RBFOX3: variants seen among roughly 807,000 people sequenced by gnomAD.
The protein encoded by RBFOX3 is RNA binding protein fox-1 homolog 3.
A neutral mutation model predicts 48.7 loss-of-function variants in RBFOX3; 17 were observed. The observed-to-expected ratio is 0.35, with a 90% CI of 0.24 to 0.52. The LOEUF (loss-of-function observed/expected upper bound fraction) is 0.52, where lower values mean the gene tolerates loss of function less well. Among genes scored for constraint, RBFOX3 ranks in the 20% least tolerant of loss-of-function variants. The pLI is 0.94. For synonymous variants in RBFOX3, 212 were observed against 209.5 expected (o/e 1.01, Z -0.10); for missense variants, 382 against 497.5 (o/e 0.77, Z 2.21).
intron 4 of RBFOX3, among the ~76,000 whole-genome samples, chr17:79,171,544 A>G (rs1207010277): frequency 6.6e-6 from 1 of 152,188 alleles, no homozygotes; most frequent in Non-Finnish European, 1.5e-5. Flanking sequence ...AGACAGTGGG[A>G]CAGATTTGTT....
intron 1 of RBFOX3, among the ~76,000 whole-genome samples, chr17:79,570,399 GAAGA>G (rs2092630832): frequency 1.3e-5 from 2 of 151,472 alleles, no homozygotes; most frequent in Non-Finnish European, 2.9e-5. Context: ...ATGGTAGATA[GAAGA>G]TAGATAGATG....
At chr17:79,383,271 C>G (rs1450845149) in intron 2 of RBFOX3, among the ~76,000 whole-genome samples, 1 of 152,240 alleles carries the variant, frequency 6.6e-6, no homozygotes, top group Non-Finnish European at 1.5e-5. Context: ...CCGGCCTCTC[C>G]CCAGGACAGG....
chr17:79,458,188 G>A (rs1462861723), intron 2 of RBFOX3, among the ~76,000 whole-genome samples: 1 of 152,220 alleles, frequency 6.6e-6, no homozygotes, highest in Admixed American at 6.5e-5. Context: ...CGAAGCAGTC[G>A]GCGCACACGG....
intron 4 of RBFOX3, among the ~76,000 whole-genome samples, chr17:79,121,663 A>G (rs1294959505): frequency 6.6e-6 from 1 of 152,002 alleles, no homozygotes; most frequent in African/African-American, 2.4e-5. Flanking sequence ...ATGTGGAGAC[A>G]CTTCTCTTGG....
intron 3 of RBFOX3, among the ~76,000 whole-genome samples, chr17:79,285,318 T>A (rs1461278901): frequency 6.6e-6 from 1 of 152,222 alleles, no homozygotes; most frequent in East Asian, 1.9e-4. Context: ...TCTTTCCTGA[T>A]TTCATGCCAT....
intron 3 of RBFOX3, among the ~76,000 whole-genome samples, chr17:79,240,332 A>T (rs2062174861): frequency 6.6e-6 from 1 of 152,208 alleles, no homozygotes; most frequent in African/African-American, 2.4e-5. Flanking sequence ...ACTCCCACTC[A>T]TTGGTGGCCC....
chr17:79,236,081 G>A (rs958302036), intron 3 of RBFOX3, among the ~76,000 whole-genome samples: 20 of 152,192 alleles, frequency 1.3e-4, no homozygotes, highest in African/African-American at 4.6e-4. Flanking sequence ...CATTTTCTCT[G>A]CGACTCTGGA....
At chr17:79,236,888 A>C (rs2061699073) in intron 3 of RBFOX3, among the ~76,000 whole-genome samples, 1 of 152,254 alleles carries the variant, frequency 6.6e-6, no homozygotes, top group South Asian at 2.1e-4. Context: ...AAACAAACTT[A>C]GATTTCCTTC....
At chr17:79,355,041 G>A (rs77938915) in intron 2 of RBFOX3, among the ~76,000 whole-genome samples, 3,233 of 152,200 alleles carry the variant, frequency 0.021, 126 homozygotes, top group African/African-American at 0.073. Context: ...TCTTCCCACC[G>A]GCCTCTCCTC....
At chr17:79,380,501 C>T (rs576464557) in intron 2 of RBFOX3, among the ~76,000 whole-genome samples, 3 of 151,650 alleles carry the variant, frequency 2.0e-5, no homozygotes, top group African/African-American at 7.2e-5. Flanking sequence ...CTGCACAACC[C>T]CTGGGGTCTG....
At chr17:79,139,230 CACAGGGCCCCCCCCACCCCG>C (rs575616317) in intron 4 of RBFOX3, among the ~76,000 whole-genome samples, 172 of 152,094 alleles carry the variant, frequency 1.1e-3, no homozygotes, top group African/African-American at 4.0e-3. Context: ...TCCCCACAAA[CACAGGGCCCCCCCCACCCCG>C]ACACAGGGAG....
At chr17:79,397,847 C>G (rs772777631) in intron 2 of RBFOX3, among the ~76,000 whole-genome samples, 9 of 152,092 alleles carry the variant, frequency 5.9e-5, no homozygotes, top group Non-Finnish European at 1.3e-4. Flanking sequence ...CTTGACAGTT[C>G]GATGCCAGCA....
intron 2 of RBFOX3, among the ~76,000 whole-genome samples, chr17:79,326,405 G>A (rs185731890): frequency 5.3e-5 from 8 of 152,314 alleles, no homozygotes; most frequent in African/African-American, 1.7e-4. Flanking sequence ...CTTCCTGGTC[G>A]CCCATGCACT....
intron 1 of RBFOX3, among the ~76,000 whole-genome samples, chr17:79,570,267 G>A (rs1295831111): frequency 1.3e-5 from 2 of 151,910 alleles, no homozygotes; most frequent in Admixed American, 6.6e-5. Flanking sequence ...ACGGACAGAT[G>A]GTGAATGGGC....
the RBFOX3 span, among the ~76,000 whole-genome samples, chr17:79,640,147 C>A: frequency 6.6e-6 from 1 of 152,052 alleles, no homozygotes; most frequent in Admixed American, 6.5e-5. Flanking sequence ...ATACAAAGAT[C>A]AATTGTGTTT....
chr17:79,174,371 GCACA>G lies in RBFOX3; in HGVS notation c.-33-58627_-33-58624del, dbSNP rs910155621. 4.1e-5 allele frequency among the ~76,000 whole-genome samples: 6 copies of G among 145,718 alleles called. No homozygotes were observed. The East Asian group carries it at 6.1e-4, about 15-fold the overall frequency. On this transcript the variant is annotated intron_variant, in intron 4 of 14. Coordinates refer to ENST00000693108, the MANE Select transcript of RBFOX3 (RefSeq NM_001350451.2). The stretch of plus-strand genomic sequence containing the variant: ...GCCACACGTGCACACAGACACATGC[GCACA>G]CACACACATCCACAATGTACTCTCA...
At chr17:79,526,339 G>A (rs975127058) in intron 1 of RBFOX3, among the ~76,000 whole-genome samples, 5 of 152,194 alleles carry the variant, frequency 3.3e-5, no homozygotes, top group Non-Finnish European at 7.3e-5. Flanking sequence ...TCTACGAAAC[G>A]GGACCAGGCG....
intron 1 of RBFOX3, among the ~76,000 whole-genome samples, chr17:79,540,447 G>A (rs1021020898): frequency 5.3e-5 from 8 of 152,196 alleles, no homozygotes; most frequent in Non-Finnish European, 8.8e-5. Context: ...GGTGCATGGC[G>A]TCCAGGCCCC....
chr17:79,449,433 T>C (rs1246333155), intron 2 of RBFOX3, among the ~76,000 whole-genome samples: 1 of 151,928 alleles, frequency 6.6e-6, no homozygotes, highest in African/African-American at 2.4e-5. Flanking sequence ...CTGCAAAATT[T>C]CCTGGGCTCT....
Sources: allele counts gnomAD v4.1 joint callset (sites outside exome capture counted in the v4.1 genomes callset), GRCh38; gene constraint gnomAD v4.1.1; transcripts MANE v1.5; gene names NCBI Gene and HGNC (gene_info 2026-07-23, HGNC 2026-07-21).